Variants in KAZN observed in about 807,000 individuals in gnomAD.
KAZN encodes the protein kazrin, periplakin interacting protein.
KAZN carries 40 observed loss-of-function variants against 87.4 expected under a neutral mutation model. The observed-to-expected ratio is 0.46, with a 90% CI of 0.36 to 0.60. The LOEUF (loss-of-function observed/expected upper bound fraction) is 0.60, where lower values mean the gene tolerates loss of function less well. KAZN is among the 20% of genes least tolerant of loss of function. The pLI is 0.00. For missense variants in KAZN, 898 were observed against 1,073.9 expected (o/e 0.84, Z 2.29); for synonymous variants, 466 against 458.3 (o/e 1.02, Z -0.22).
chr1:14,908,498 C>T (rs760045775), intron 1 of KAZN, among the ~76,000 whole-genome samples: 2 of 152,010 alleles, frequency 1.3e-5, no homozygotes, highest in Middle Eastern at 3.2e-3. Flanking sequence ...GCTGAGATCA[C>T]GCCACTGCAC....
At position 15,114,876 on chromosome 1, in the gene KAZN, G is replaced by A. The variant is rs1442187381; in HGVS notation, c.*241G>A. On this transcript the variant is annotated 3_prime_UTR_variant, in exon 15 of 15. Coordinates refer to ENST00000376030, the MANE Select transcript of KAZN (RefSeq NM_201628.3). Reference sequence around the variant, plus strand: ...CTGTTCAGCTGGAGATGGGCCCAGAGGACCTGTCACAGTGTCCGGCCCTGC... The same window carrying A: ...CTGTTCAGCTGGAGATGGGCCCAGAAGACCTGTCACAGTGTCCGGCCCTGC... 2 of 422,928 alleles carry A rather than the reference G, an allele frequency of 4.7e-6. No individual in the cohort carries two copies. The highest frequency in any genetic ancestry group is 8.6e-6 in the Non-Finnish European group (2 of 233,870). The allele number at this position is 422,928 out of a possible 1,614,324, so 26.2% of individuals were successfully genotyped here.
chr1:14,436,292 C>T (rs559132539), intron 2 of KAZN, among the ~76,000 whole-genome samples: 93 of 152,130 alleles, frequency 6.1e-4, no homozygotes, highest in African/African-American at 2.0e-3. Context: ...CCCACAGTCA[C>T]TCAGGCAGGA....
chr1:15,103,545 C>T (rs1480282031), intron 12 of KAZN, 85 bp downstream of exon 12: 4 of 869,902 alleles, frequency 4.6e-6, no homozygotes, highest in East Asian at 2.7e-5. Flanking sequence ...ATGCAAATCA[C>T]ATGCAAATCA....
intron 1 of KAZN, among the ~76,000 whole-genome samples, chr1:14,761,140 C>T (rs1354316450): frequency 1.3e-5 from 2 of 152,148 alleles, no homozygotes; most frequent in African/African-American, 4.8e-5. Context: ...TTGCTCCTGC[C>T]GCACTGGCTG....
intron 1 of KAZN, among the ~76,000 whole-genome samples, chr1:14,889,131 G>T (rs1654435172): frequency 6.6e-6 from 1 of 152,208 alleles, no homozygotes; most frequent in Non-Finnish European, 1.5e-5. Flanking sequence ...AGACAAGCTT[G>T]CAAAAGCTTC....
intron 2 of KAZN, among the ~76,000 whole-genome samples, chr1:14,402,388 G>A (rs1663491148): frequency 6.6e-6 from 1 of 152,022 alleles, no homozygotes. Flanking sequence ...AATTCTCATG[G>A]AAAGTTTATG....
chr1:14,307,476 CTG>C (rs772818833), intron 2 of KAZN, among the ~76,000 whole-genome samples: 1 of 152,204 alleles, frequency 6.6e-6, no homozygotes, highest in Non-Finnish European at 1.5e-5. Flanking sequence ...TGCTACAACT[CTG>C]TGGAAGGAGA....
intron 2 of KAZN, among the ~76,000 whole-genome samples, chr1:14,981,499 A>G (rs1557683195): frequency 6.6e-6 from 1 of 152,232 alleles, no homozygotes; most frequent in Admixed American, 6.5e-5. Context: ...ACACAGTCCT[A>G]TGCAACCCCA....
At chr1:14,594,054 G>C (rs1676350790), upstream of KAZN, among the ~76,000 whole-genome samples, 1 of 152,170 alleles carries the variant, frequency 6.6e-6, no homozygotes, top group South Asian at 2.1e-4. Flanking sequence ...CACTAGAGTA[G>C]ACAATCCCCA....
At chr1:14,847,828 A>G (rs568315598) in intron 1 of KAZN, among the ~76,000 whole-genome samples, 1 of 152,286 alleles carries the variant, frequency 6.6e-6, no homozygotes, top group Admixed American at 6.5e-5. Context: ...AAAATATTTT[A>G]AAAAATTAGC....
rs146070347 is a variant in KAZN, at chr1:15,101,079, G to C, written c.1548-464G>C. On this transcript the variant is annotated intron_variant, in intron 10 of 14. Coordinates refer to ENST00000376030, the MANE Select transcript of KAZN (RefSeq NM_201628.3). Reference sequence around the variant, plus strand: ...CCCGCCCCTGCGCCTTCTCACCCTCGCTGCGTCTGAGTGTGGGATTCTCTC... The same window carrying C: ...CCCGCCCCTGCGCCTTCTCACCCTCCCTGCGTCTGAGTGTGGGATTCTCTC... Among the ~76,000 whole-genome samples, 4 of 152,026 alleles carry C rather than the reference G, an allele frequency of 2.6e-5. 1 individual carries two copies. In the South Asian group the frequency reaches 8.3e-4, roughly 32 times the overall value.
At chr1:13,942,021 C>T (rs965741034) in intron 1 of KAZN, among the ~76,000 whole-genome samples, 16 of 152,180 alleles carry the variant, frequency 1.1e-4, no homozygotes, top group Non-Finnish European at 2.2e-4. Context: ...TCTTATGGGT[C>T]TGGGCCAACA....
chr1:14,060,359 C>A (rs1192230161), intron 1 of KAZN, among the ~76,000 whole-genome samples: 12 of 62,686 alleles, frequency 1.9e-4, no homozygotes, highest in Non-Finnish European at 3.7e-4. Context: ...CGAGACTCCA[C>A]CTCAAAAAAA....
intron 1 of KAZN, among the ~76,000 whole-genome samples, chr1:14,152,543 G>C (rs779864092): frequency 6.6e-6 from 1 of 152,038 alleles, no homozygotes; most frequent in Admixed American, 6.6e-5. Context: ...TGGCTAACTC[G>C]TACTCCATTG....
chr1:14,539,956 C>T (rs1672712111), intron 2 of KAZN, among the ~76,000 whole-genome samples: 1 of 152,256 alleles, frequency 6.6e-6, no homozygotes, highest in East Asian at 1.9e-4. Context: ...TATGTAGACT[C>T]CCGCCATCCC....
At chr1:14,130,827 A>G (rs1644977163) in intron 1 of KAZN, among the ~76,000 whole-genome samples, 1 of 152,090 alleles carries the variant, frequency 6.6e-6, no homozygotes, top group Non-Finnish European at 1.5e-5. Flanking sequence ...TTAAATAAGT[A>G]TCAGTGATCC....
intron 1 of KAZN, among the ~76,000 whole-genome samples, chr1:14,722,260 TA>T (rs1486673870): frequency 2.0e-5 from 3 of 152,204 alleles, no homozygotes; most frequent in Admixed American, 6.5e-5. Context: ...TGCGTTTTAG[TA>T]TGTGATGATC....
intron 1 of KAZN, among the ~76,000 whole-genome samples, chr1:14,625,345 C>T (rs527951366): frequency 2.0e-5 from 3 of 152,144 alleles, no homozygotes; most frequent in East Asian, 1.9e-4. Flanking sequence ...GGTGGCCCCC[C>T]TCACACTGCA....
At chr1:14,560,948 A>G (rs890011776) in intron 2 of KAZN, among the ~76,000 whole-genome samples, 1 of 152,168 alleles carries the variant, frequency 6.6e-6, no homozygotes, top group African/African-American at 2.4e-5. Flanking sequence ...ATGGCATACT[A>G]TGTTGCCCCA....
Sources: gnomAD v4.1 joint callset for allele counts (sites outside exome capture counted in the v4.1 genomes callset) on GRCh38, gnomAD v4.1.1 for gene constraint, MANE v1.5 for transcripts, NCBI Gene and HGNC (gene_info 2026-07-23, HGNC 2026-07-21) for gene names.